The following RHOU variants were observed in gnomAD, a reference collection of about 807,000 sequenced individuals.
RHOU encodes the protein ras homolog family member U, also known as rho-related GTP-binding protein RhoU.
In RHOU, 8 loss-of-function variants were observed where a neutral mutation model predicts 12.6. The ratio of observed to expected loss-of-function variants is 0.64; its 90% CI spans 0.37 to 1.15. RHOU has a LOEUF of 1.15. Among genes scored for constraint, RHOU ranks in the 50% most tolerant of loss-of-function variants. The probability of loss-of-function intolerance (pLI) is 0.01; values close to 1 mark genes in which losing one functional copy is unlikely to be tolerated. For synonymous variants in RHOU, 161 were observed against 147.4 expected (o/e 1.09, Z -0.67); for missense variants, 258 against 347.0 (o/e 0.74, Z 2.04).
the RHOU span, among the ~76,000 whole-genome samples, chr1:228,669,737 G>A: frequency 2.6e-5 from 4 of 152,160 alleles, no homozygotes; most frequent in East Asian, 1.9e-4. Context: ...TGGCATGACC[G>A]TTTAGTATGG....
the RHOU span, among the ~76,000 whole-genome samples, chr1:228,726,719 A>G: frequency 1.2e-4 from 18 of 152,168 alleles, no homozygotes; most frequent in African/African-American, 4.3e-4. Flanking sequence ...TCTGTTAGGA[A>G]ACTCAATTTC....
upstream of RHOU, chr1:228,735,418 C>T (rs1358285659): frequency 5.6e-6 from 1 of 178,456 alleles, no homozygotes; most frequent in Non-Finnish European, 1.2e-5. The surrounding 1 kb of genome is among the most constrained non-coding windows in gnomAD (Gnocchi z 8.1). Flanking sequence ...TTTCCCTCCC[C>T]GCCAGCCCGC....
chr1:228,661,121 C>A, the RHOU span, among the ~76,000 whole-genome samples: 284 of 152,166 alleles, frequency 1.9e-3, 2 homozygotes, highest in Middle Eastern at 0.024. Context: ...AGGAATCCAA[C>A]TTACAAGGGA....
chr1:228,658,028 C>T, the RHOU span, among the ~76,000 whole-genome samples: 308 of 152,072 alleles, frequency 2.0e-3, 1 homozygote, highest in Middle Eastern at 0.01. Context: ...TGCTGTAATC[C>T]CAGCACTTTG....
chr1:228,647,075 G>A, the RHOU span, among the ~76,000 whole-genome samples: 1 of 152,204 alleles, frequency 6.6e-6, no homozygotes, highest in Admixed American at 6.5e-5. Context: ...TTGAGCCTTA[G>A]AGAGGAAGCA....
the RHOU span, chr1:228,652,504 C>T: frequency 6.6e-6 from 1 of 152,428 alleles, no homozygotes; most frequent in Admixed American, 6.5e-5. Context: ...CAGAGTAAAC[C>T]TATCCTATAT....
At chr1:228,669,803 G>T in the RHOU span, among the ~76,000 whole-genome samples, 7 of 152,288 alleles carry the variant, frequency 4.6e-5, no homozygotes, top group East Asian at 3.9e-4. Context: ...ATTGTGAAGT[G>T]CATTTCTGCC....
the RHOU span, among the ~76,000 whole-genome samples, chr1:228,653,329 AT>A: frequency 1.3e-5 from 2 of 150,186 alleles, no homozygotes; most frequent in Non-Finnish European, 1.5e-5. Flanking sequence ...TAATTTTTGT[AT>A]TTTTTTTTGA....
chr1:228,735,892 C>T lies in RHOU; in HGVS notation c.150C>T (p.Val50=), dbSNP rs1662595472. The T allele has an allele frequency of 1.3e-6, 2 of 1,540,136 alleles. No homozygotes were observed. Among genetic ancestry groups the T allele is most frequent in the African/African-American group, 1.4e-5 (1 of 69,942 alleles). ...CGGGGGGTGCCGAGGGGCGCGGCGTCAAGTGCGTGCTGGTCGGCGACGGCG... is the reference window on the plus strand; with the variant it reads ...CGGGGGGTGCCGAGGGGCGCGGCGTTAAGTGCGTGCTGGTCGGCGACGGCG... ...GRAGGAEGRG[V]KCVLVGDGAV... The change falls in exon 1 of 3, where the codon GTC becomes GTT. Residue 50 remains valine, a synonymous_variant. Transcript: ENST00000366691. The surrounding 1 kb of genome is among the most constrained non-coding windows in gnomAD (Gnocchi z 8.1).
chr1:228,683,751 G>C, the RHOU span, among the ~76,000 whole-genome samples: 994 of 152,282 alleles, frequency 6.5e-3, 14 homozygotes, highest in African/African-American at 0.022. Flanking sequence ...ATGAGTGATG[G>C]CAGCCAGAGT....
chr1:228,653,622 A>C, the RHOU span, among the ~76,000 whole-genome samples: 1 of 151,984 alleles, frequency 6.6e-6, no homozygotes, highest in South Asian at 2.1e-4. Flanking sequence ...CCCAGCCTTA[A>C]TTTTTGTATT....
In RHOU at chr1:228,746,435, A is replaced by G. The variant is rs1472276585; in HGVS notation, c.*2695A>G. On this transcript the variant is annotated 3_prime_UTR_variant, in exon 3 of 3. Coordinates refer to ENST00000366691, the MANE Select transcript of RHOU (RefSeq NM_021205.6). ...TGTTTGTTATCTCTTGTTACCATGT[A>G]TGTATAAATGGACCTTTTATAACCT... 6.6e-6 allele frequency: 1 copy of G among 152,348 alleles called. No homozygotes were observed. The highest frequency in any genetic ancestry group is 1.5e-5 in the Non-Finnish European group (1 of 68,028). The allele number at this position is 152,348 out of a possible 1,614,324, so 9.4% of individuals were successfully genotyped here.
the RHOU span, among the ~76,000 whole-genome samples, chr1:228,694,921 A>T: frequency 6.6e-6 from 1 of 152,170 alleles, no homozygotes; most frequent in African/African-American, 2.4e-5. Flanking sequence ...CACCTCCAAG[A>T]TCATGTATAG....
chr1:228,692,990 T>C, the RHOU span, among the ~76,000 whole-genome samples: 1 of 152,194 alleles, frequency 6.6e-6, no homozygotes, highest in African/African-American at 2.4e-5. Flanking sequence ...CCATACACAC[T>C]GAGCAGATGC....
the RHOU span, among the ~76,000 whole-genome samples, chr1:228,676,782 G>A: frequency 1.3e-5 from 2 of 152,008 alleles, no homozygotes; most frequent in East Asian, 3.9e-4. Flanking sequence ...AGGGTGGGGA[G>A]AATTACAAAG....
chr1:228,678,173 A>G, the RHOU span, among the ~76,000 whole-genome samples: 1,138 of 152,266 alleles, frequency 7.5e-3, 10 homozygotes, highest in African/African-American at 0.025. Flanking sequence ...TTCCTTAAGG[A>G]TAGATTTCCA....
the RHOU span, among the ~76,000 whole-genome samples, chr1:228,669,556 G>C: frequency 4.6e-5 from 7 of 152,156 alleles, no homozygotes; most frequent in Non-Finnish European, 8.8e-5. Flanking sequence ...TAATCCATGA[G>C]CTTTTATTAA....
the RHOU span, among the ~76,000 whole-genome samples, chr1:228,695,297 A>C: frequency 6.6e-6 from 1 of 152,160 alleles, no homozygotes; most frequent in Non-Finnish European, 1.5e-5. Flanking sequence ...CCTAGTAAAA[A>C]CACAAACTGT....
the RHOU span, among the ~76,000 whole-genome samples, chr1:228,710,257 T>G: frequency 4.9e-4 from 74 of 152,250 alleles, 1 homozygote; most frequent in Non-Finnish European, 8.1e-4. Context: ...ACCATTCCTT[T>G]TGAAACTATT....
Sources: allele counts gnomAD v4.1 joint callset (sites outside exome capture counted in the v4.1 genomes callset), GRCh38; gene constraint gnomAD v4.1.1; non-coding constraint Gnocchi (gnomAD v3.1); transcripts MANE v1.5; gene names NCBI Gene and HGNC (gene_info 2026-07-23, HGNC 2026-07-21).